The following INSL6 variants were observed in gnomAD, a reference collection of about 807,000 sequenced individuals.
INSL6 encodes the protein insulin like 6.
INSL6 carries 16 observed loss-of-function variants against 9.4 expected under a neutral mutation model. The observed-to-expected ratio is 1.70, with a 90% CI of 1.15 to 2.59. The LOEUF is 2.59. Ranked by LOEUF, INSL6 falls within the 30% of genes most tolerant of loss-of-function variation. The pLI is 0.00. For missense variants in INSL6, 391 were observed against 257.3 expected, an observed-to-expected ratio of 1.52 and a Z score of -3.56; for synonymous variants, 154 against 96.9, an observed-to-expected ratio of 1.59 and a Z score of -3.46.
At chr9:5,081,985 T>G in the INSL6 span, 3 of 777,230 alleles carry the variant, frequency 3.9e-6, no homozygotes. Flanking sequence ...AAGGTTTGGT[T>G]GTCAGATGTT....
chr9:5,080,764 C>A, the INSL6 span: 2 of 1,094,444 alleles, frequency 1.8e-6, no homozygotes, highest in Non-Finnish European at 2.5e-6. Flanking sequence ...TTTTTAATTC[C>A]TTTAAAACAT....
At chr9:5,177,673 C>T (rs1288210779) in intron 1 of INSL6, among the ~76,000 whole-genome samples, 1 of 152,208 alleles carries the variant, frequency 6.6e-6, no homozygotes, top group Admixed American at 6.5e-5. Flanking sequence ...ATTTGGAATT[C>T]CAGCCACCCA....
the INSL6 span, among the ~76,000 whole-genome samples, chr9:5,087,151 C>T: frequency 8.7e-4 from 132 of 152,314 alleles, no homozygotes; most frequent in African/African-American, 3.0e-3. Context: ...CAAATAAAGA[C>T]ATACCCGAGA....
chr9:5,006,870 C>T, the INSL6 span, among the ~76,000 whole-genome samples: 1 of 152,066 alleles, frequency 6.6e-6, no homozygotes, highest in African/African-American at 2.4e-5. Flanking sequence ...TCTTCTTGTG[C>T]TAGTTTAGGT....
At chr9:5,010,700 T>TGAAA in the INSL6 span, among the ~76,000 whole-genome samples, 1 of 152,088 alleles carries the variant, frequency 6.6e-6, no homozygotes, top group Admixed American at 6.5e-5. Context: ...TTTTGAGCTC[T>TGAAA]TCATTCCTTT....
the INSL6 span, among the ~76,000 whole-genome samples, chr9:5,034,395 T>C: frequency 2.0e-3 from 310 of 152,262 alleles, 1 homozygote; most frequent in African/African-American, 7.1e-3. Context: ...GCAGACCTAA[T>C]AGACATCTAC....
the INSL6 span, among the ~76,000 whole-genome samples, chr9:5,092,290 C>G: frequency 6.6e-6 from 1 of 152,238 alleles, no homozygotes; most frequent in South Asian, 2.1e-4. Context: ...AGCACGCACA[C>G]ACTGCCTGTC....
the INSL6 span, among the ~76,000 whole-genome samples, chr9:5,018,511 G>C: frequency 6.6e-6 from 1 of 151,980 alleles, no homozygotes; most frequent in Non-Finnish European, 1.5e-5. Flanking sequence ...TAATTCTTTT[G>C]TATTTTTCGT....
the INSL6 span, among the ~76,000 whole-genome samples, chr9:5,055,162 C>T: frequency 2.0e-5 from 3 of 151,808 alleles, no homozygotes; most frequent in African/African-American, 4.8e-5. Context: ...AGGAGTTTTG[C>T]CTTTCACTAC....
Position 5,133,253 on chromosome 9 carries a change from AC to A in INSL6, c.*10+171del, listed in dbSNP as rs375470945. Among the ~76,000 whole-genome samples, 675 of 152,126 alleles carry A rather than the reference AC, an allele frequency of 4.4e-3. 17 individuals carry two copies. The highest frequency in any genetic ancestry group is 0.016 in the African/African-American group (649 of 41,408). The stretch of plus-strand genomic sequence containing the variant: ...GATAATGCAAAAAAAAAGTTGAGAA[AC>A]ACTACTTTAGAGTGTGCTCATATAG... On this transcript the variant is annotated intron_variant, in intron 3 of 3. Transcript: ENST00000649639.
chr9:5,019,471 G>A, the INSL6 span, among the ~76,000 whole-genome samples: 9 of 151,916 alleles, frequency 5.9e-5, no homozygotes, highest in Admixed American at 2.0e-4. Flanking sequence ...ATCTGTATGC[G>A]TTTGTATCTC....
chr9:5,111,127 TG>T, the INSL6 span: 1 of 1,151,156 alleles, frequency 8.7e-7, no homozygotes, highest in Non-Finnish European at 1.2e-6. Flanking sequence ...TGACCCCAGC[TG>T]GACGTTCAGC....
At chr9:5,117,287 T>C in the INSL6 span, among the ~76,000 whole-genome samples, 1 of 152,230 alleles carries the variant, frequency 6.6e-6, no homozygotes, top group Non-Finnish European at 1.5e-5. Context: ...ATCATGTTAA[T>C]GAGTTCAGAC....
chr9:5,091,980 C>T, the INSL6 span, among the ~76,000 whole-genome samples: 10 of 151,902 alleles, frequency 6.6e-5, no homozygotes, highest in South Asian at 2.1e-4. Context: ...ATGAGGAATC[C>T]GGCGAAGATA....
the INSL6 span, chr9:5,029,783 G>A: frequency 6.2e-7 from 1 of 1,604,792 alleles, no homozygotes; most frequent in Non-Finnish European, 8.5e-7. Flanking sequence ...TCTTTTCTAG[G>A]TATCACACCT....
the INSL6 span, among the ~76,000 whole-genome samples, chr9:5,096,202 C>G: frequency 1.3e-5 from 2 of 152,114 alleles, no homozygotes; most frequent in Non-Finnish European, 2.9e-5. Context: ...ATTACTCCTC[C>G]CTCCACTTAT....
intron 1 of INSL6, among the ~76,000 whole-genome samples, chr9:5,177,127 G>C (rs906968787): frequency 2.0e-5 from 3 of 152,150 alleles, no homozygotes; most frequent in Non-Finnish European, 4.4e-5. Flanking sequence ...GTGATCCATG[G>C]CGCTCAGGGA....
intron 2 of INSL6, among the ~76,000 whole-genome samples, chr9:5,143,725 T>C (rs988021640): frequency 6.6e-6 from 1 of 151,806 alleles, no homozygotes; most frequent in Non-Finnish European, 1.5e-5. Context: ...AGTGGCATGA[T>C]CTCAGCTCAC....
chr9:5,024,316 C>T, the INSL6 span, among the ~76,000 whole-genome samples: 2 of 152,076 alleles, frequency 1.3e-5, no homozygotes, highest in African/African-American at 4.8e-5. Flanking sequence ...TTTGCTTTAG[C>T]TTGTAAGATT....
Sources: allele counts gnomAD v4.1 joint callset (sites outside exome capture counted in the v4.1 genomes callset), GRCh38; gene constraint gnomAD v4.1.1; transcripts MANE v1.5; gene names NCBI Gene and HGNC (gene_info 2026-07-23, HGNC 2026-07-21).